The following ASTN2 variants were observed in gnomAD, a reference collection of about 807,000 sequenced individuals.
ASTN2 encodes astrotactin 2.
In ASTN2, 54 loss-of-function variants were observed where a neutral mutation model predicts 139.8. That is an observed-to-expected ratio of 0.39 (90% CI 0.31 to 0.48). The LOEUF (loss-of-function observed/expected upper bound fraction) is 0.48. Ranked by LOEUF, ASTN2 falls within the 20% of genes least tolerant of loss-of-function variation. The pLI, the probability that ASTN2 is intolerant of heterozygous loss-of-function variation, is 0.95. For missense variants in ASTN2, 1,565 were observed against 1,725.1 expected (o/e 0.91, Z 1.64); for synonymous variants, 756 against 719.5 (o/e 1.05, Z -0.81).
At chr9:116,695,989 T>TATA (rs1860830177) in intron 16 of ASTN2, among the ~76,000 whole-genome samples, 1 of 152,208 alleles carries the variant, frequency 6.6e-6, no homozygotes. Context: ...TCTTACTGAC[T>TATA]ATACTTCTGG....
At chr9:116,975,163 G>A in intron 10 of ASTN2, 45 bp downstream of exon 10, 8 of 1,494,678 alleles carry the variant, frequency 5.4e-6, no homozygotes, top group African/African-American at 2.8e-5. Flanking sequence ...GGACTTCCAA[G>A]GTTTTAAGAA....
At chr9:117,316,700 A>T (rs950283684) in intron 1 of ASTN2, among the ~76,000 whole-genome samples, 6 of 152,196 alleles carry the variant, frequency 3.9e-5, no homozygotes, top group Admixed American at 3.9e-4. Flanking sequence ...CCTTAAAATC[A>T]GCACAATGCT....
intron 7 of ASTN2, among the ~76,000 whole-genome samples, chr9:116,977,715 CTTTTTTTTTT>C (rs386416041): frequency 8.2e-6 from 1 of 122,190 alleles, no homozygotes; most frequent in Non-Finnish European, 1.7e-5. Flanking sequence ...ATTTCTTTTT[CTTTTTTTTTT>C]TTTTTTTGAG....
intron 2 of ASTN2, among the ~76,000 whole-genome samples, chr9:117,216,894 AT>A (rs1316451846): frequency 6.6e-6 from 1 of 152,114 alleles, no homozygotes; most frequent in East Asian, 1.9e-4. Context: ...TTTTTATTTA[AT>A]CTTTAAGACA....
chr9:116,897,768 A>C (rs1833913424), intron 10 of ASTN2, among the ~76,000 whole-genome samples: 1 of 152,204 alleles, frequency 6.6e-6, no homozygotes, highest in African/African-American at 2.4e-5. Flanking sequence ...CACCATTTAA[A>C]AAAAACAAGC....
intron 11 of ASTN2, among the ~76,000 whole-genome samples, chr9:116,832,249 C>T (rs1462520657): frequency 6.6e-6 from 1 of 152,106 alleles, no homozygotes; most frequent in African/African-American, 2.4e-5. Context: ...TGTAGATTCC[C>T]TGAGATTTTC....
At chr9:116,521,760 A>C in intron 19 of ASTN2, among the ~76,000 whole-genome samples, 1 of 152,204 alleles carries the variant, frequency 6.6e-6, no homozygotes, top group Non-Finnish European at 1.5e-5. Context: ...TACAACTGAC[A>C]AAGGACTAAT....
At position 117,032,712 on chromosome 9, in the gene ASTN2, A is replaced by T. The variant is rs1210755568; in HGVS notation, c.1423+7107T>A. ...GGATGGAGGACATCAAGTAGGGATG[A>T]GAGCAAATAAATGTAGACAAGTGTT... On this transcript the variant is annotated intron_variant, in intron 6 of 22. Coordinates refer to ENST00000313400, the MANE Select transcript of ASTN2 (RefSeq NM_001365068.1). Among the ~76,000 whole-genome samples the T allele has an allele frequency of 3.9e-5, 6 of 152,194 alleles. No homozygotes were observed. The East Asian group carries it at 1.2e-3, about 29-fold the overall frequency.
rs889936631 is a variant in ASTN2 at position 117,415,016 on chromosome 9, A to C, written c.-78T>G. 1.1e-5 allele frequency: 2 copies of C among 188,078 alleles called. No individual in the cohort carries two copies. Among genetic ancestry groups the C allele is most frequent in the Non-Finnish European group, 2.1e-5 (2 of 94,468 alleles). The allele number at this position is 188,078 out of a possible 1,614,324, so 11.7% of individuals were successfully genotyped here. On this transcript the variant is annotated 5_prime_UTR_variant, in exon 1 of 23. Coordinates refer to ENST00000313400, the MANE Select transcript of ASTN2 (RefSeq NM_001365068.1). ...AAGGAGGAAGAGGAGGCAGCTGCGG[A>C]GACGGCGGACGCCGAAGCGAACCAG... is the stretch of plus-strand genomic sequence containing the variant.
intron 19 of ASTN2, among the ~76,000 whole-genome samples, chr9:116,558,082 T>A (rs150096335): frequency 6.6e-6 from 1 of 152,296 alleles, no homozygotes; most frequent in African/African-American, 2.4e-5. Context: ...ATGGACCATA[T>A]CCTATATCAT....
At chr9:116,506,915 C>T (rs1390482527) in intron 19 of ASTN2, among the ~76,000 whole-genome samples, 1 of 152,104 alleles carries the variant, frequency 6.6e-6, no homozygotes, top group African/African-American at 2.4e-5. Flanking sequence ...CTCACCTGCC[C>T]TCTCTGGACC....
At chr9:116,907,310 C>T (rs1457201229) in intron 10 of ASTN2, among the ~76,000 whole-genome samples, 1 of 152,212 alleles carries the variant, frequency 6.6e-6, no homozygotes, top group African/African-American at 2.4e-5. Flanking sequence ...GCTTAGAAGC[C>T]TGTGTCTCAG....
rs140655605 is a variant in ASTN2 at position 116,863,502 on chromosome 9, G to T, written c.2040+81C>A. 1,152 of 1,538,576 alleles carry T rather than the reference G, an allele frequency of 7.5e-4. 3 individuals carry two copies. The African/African-American group carries it at 0.014, about 18-fold the overall frequency. On this transcript the variant is annotated intron_variant, in intron 11 of 22. Coordinates refer to ENST00000313400, the MANE Select transcript of ASTN2 (RefSeq NM_001365068.1). ...TGTGGATATGATCCTCCTTACCAGC[G>T]TTCCCTCGCAGGGCAGGGCTTCTAG...
chr9:117,022,993 C>A (rs564596308), intron 6 of ASTN2, among the ~76,000 whole-genome samples: 1 of 151,086 alleles, frequency 6.6e-6, no homozygotes, highest in East Asian at 2.0e-4. Flanking sequence ...AACAAACATA[C>A]GACAACAACA....
intron 5 of ASTN2, among the ~76,000 whole-genome samples, chr9:117,064,022 T>C (rs1468183063): frequency 1.3e-5 from 2 of 152,120 alleles, no homozygotes; most frequent in Non-Finnish European, 1.5e-5. Flanking sequence ...GAGAGCTTTT[T>C]GGCTGCCCTG....
chr9:117,299,725 C>G (rs1229857414), intron 1 of ASTN2, among the ~76,000 whole-genome samples: 1 of 152,094 alleles, frequency 6.6e-6, no homozygotes, highest in African/African-American at 2.4e-5. Context: ...CAGACCAAGC[C>G]CGAGCTCAGA....
intron 1 of ASTN2, among the ~76,000 whole-genome samples, chr9:117,293,354 A>C (rs374077435): frequency 4.9e-4 from 75 of 152,238 alleles, no homozygotes; most frequent in African/African-American, 1.8e-3. Context: ...TGCCAAGCAA[A>C]AGTCATCTCA....
chr9:117,131,382 G>A (rs1324761047), intron 4 of ASTN2, among the ~76,000 whole-genome samples: 2 of 152,142 alleles, frequency 1.3e-5, no homozygotes, highest in Non-Finnish European at 2.9e-5. Context: ...ATTCCAACCT[G>A]ACTCTGATGT....
chr9:117,322,352 G>A (rs568512920), intron 1 of ASTN2, among the ~76,000 whole-genome samples: 2 of 152,292 alleles, frequency 1.3e-5, no homozygotes, highest in East Asian at 3.9e-4. Flanking sequence ...TGAACAGAAG[G>A]CTAACACTTA....
Sources: gnomAD v4.1 joint callset for allele counts (sites outside exome capture counted in the v4.1 genomes callset) on GRCh38, gnomAD v4.1.1 for gene constraint, MANE v1.5 for transcripts, NCBI Gene and HGNC (gene_info 2026-07-23, HGNC 2026-07-21) for gene names.